The following CCDC171 variants were observed in gnomAD, a reference collection of about 807,000 sequenced individuals.
CCDC171 encodes the protein coiled-coil domain-containing protein 171.
A neutral mutation model predicts 168.2 loss-of-function variants in CCDC171; 177 were observed. That is an observed-to-expected ratio of 1.05 (90% CI 0.93 to 1.19). The LOEUF is 1.19. CCDC171 is among the 50% of genes most tolerant of loss of function. The probability of loss-of-function intolerance (pLI) is 0.00; values close to 1 mark genes in which losing one functional copy is unlikely to be tolerated. For missense variants in CCDC171, 1,991 were observed against 1,539.0 expected (o/e 1.29, Z -4.91); for synonymous variants, 687 against 540.8 (o/e 1.27, Z -3.75).
At chr9:15,963,825 C>G (rs1017036143) in intron 25 of CCDC171, among the ~76,000 whole-genome samples, 11 of 152,140 alleles carry the variant, frequency 7.2e-5, no homozygotes, top group Admixed American at 2.0e-4. Context: ...GTTACCTGGG[C>G]TGCTCAGGAA....
chr9:15,648,531 A>G (rs1445424668), intron 7 of CCDC171, among the ~76,000 whole-genome samples: 2 of 152,198 alleles, frequency 1.3e-5, no homozygotes, highest in Non-Finnish European at 1.5e-5. Context: ...CCTTAAGCTG[A>G]TAAGCAATTT....
intron 11 of CCDC171, among the ~76,000 whole-genome samples, chr9:15,709,053 A>C (rs924426288): frequency 6.6e-6 from 1 of 152,230 alleles, no homozygotes; most frequent in African/African-American, 2.4e-5. Flanking sequence ...TACCTGGTAC[A>C]TTTAGAACAG....
chr9:15,630,479 T>C (rs1160443384), intron 7 of CCDC171, among the ~76,000 whole-genome samples: 1 of 152,142 alleles, frequency 6.6e-6, no homozygotes, highest in Non-Finnish European at 1.5e-5. Context: ...GAGCTAACTA[T>C]CCTAAATATA....
chr9:16,083,760 T>G, the CCDC171 span, among the ~76,000 whole-genome samples: 5 of 151,964 alleles, frequency 3.3e-5, no homozygotes, highest in African/African-American at 1.2e-4. Flanking sequence ...AATGGAAGAG[T>G]TGAAAAGTTT....
At chr9:15,578,566 G>A (rs2040861351) in intron 3 of CCDC171, among the ~76,000 whole-genome samples, 1 of 151,230 alleles carries the variant, frequency 6.6e-6, no homozygotes, top group Non-Finnish European at 1.5e-5. Flanking sequence ...CACCGTGCCT[G>A]GCCAAGGTGT....
At chr9:16,096,650 C>G in the CCDC171 span, among the ~76,000 whole-genome samples, 5 of 152,180 alleles carry the variant, frequency 3.3e-5, no homozygotes, top group Non-Finnish European at 7.3e-5. Context: ...TCCCCTGGTC[C>G]TCTCAAGTGA....
chr9:16,014,261 A>C (rs550536206), intron 3 of CCDC171, among the ~76,000 whole-genome samples: 2 of 152,112 alleles, frequency 1.3e-5, no homozygotes, highest in African/African-American at 4.8e-5. Flanking sequence ...ATAAGAAGCA[A>C]CTCCTTATTC....
chr9:15,744,305 A>G lies in CCDC171; in HGVS notation c.2082A>G (p.Glu694=), dbSNP rs1454600146. The G allele has an allele frequency of 2.5e-6, 4 of 1,586,346 alleles. No homozygotes were observed. Among genetic ancestry groups the G allele is most frequent in the African/African-American group, 2.7e-5 (2 of 73,316 alleles). ...KFQEIAEKNM[E]KLNHIEKSHE... ...AAGAAATTGCTGAAAAAAACATGGA[A>G]AAATTGAACCATATTGAGAAGTCAC... Residue 694 remains glutamate, a synonymous_variant, in exon 17 of 26, where the codon GAA becomes GAG. Coordinates refer to ENST00000380701, the MANE Select transcript of CCDC171 (RefSeq NM_173550.4).
At chr9:15,810,830 C>G (rs948838263) in intron 21 of CCDC171, among the ~76,000 whole-genome samples, 2 of 152,218 alleles carry the variant, frequency 1.3e-5, no homozygotes, top group African/African-American at 4.8e-5. Flanking sequence ...CAGCATGGGC[C>G]GGCCCAGAGA....
At chr9:15,602,570 G>C (rs867269202) in intron 6 of CCDC171, among the ~76,000 whole-genome samples, 76 of 150,016 alleles carry the variant, frequency 5.1e-4, no homozygotes, top group African/African-American at 1.6e-3. Context: ...ATATTAACAT[G>C]AGTGAATTCT....
intron 21 of CCDC171, chr9:15,845,544 T>C (rs1268284864): frequency 6.6e-6 from 1 of 151,900 alleles, no homozygotes; most frequent in Non-Finnish European, 1.5e-5. Flanking sequence ...TATACTATTC[T>C]TTTTTTTATA....
chr9:15,597,026 C>G (rs1221187393), intron 6 of CCDC171, among the ~76,000 whole-genome samples: 1 of 152,126 alleles, frequency 6.6e-6, no homozygotes, highest in Non-Finnish European at 1.5e-5. Flanking sequence ...AGTTGCTTAT[C>G]AGCTTAAGGA....
intron 3 of CCDC171, among the ~76,000 whole-genome samples, chr9:15,983,479 G>GTT (rs1831869162): frequency 2.3e-5 from 3 of 127,910 alleles, no homozygotes; most frequent in Non-Finnish European, 4.8e-5. Flanking sequence ...TTTGTGATCA[G>GTT]TTGTGTGTGT....
intron 3 of CCDC171, among the ~76,000 whole-genome samples, chr9:15,574,858 G>A (rs2040511648): frequency 6.6e-6 from 1 of 152,138 alleles, no homozygotes. Flanking sequence ...TCTTTGATAG[G>A]TATTCAAATA....
At chr9:15,895,526 C>G (rs1259813464) in intron 24 of CCDC171, among the ~76,000 whole-genome samples, 1 of 152,072 alleles carries the variant, frequency 6.6e-6, no homozygotes, top group East Asian at 1.9e-4. Context: ...TATACTCACA[C>G]CACCATACTC....
the CCDC171 span, among the ~76,000 whole-genome samples, chr9:16,066,910 C>T: frequency 0.024 from 3,542 of 150,626 alleles, 121 homozygotes; most frequent in African/African-American, 0.081. Context: ...TGAATAATGC[C>T]GCAATAAACA....
intron 23 of CCDC171, among the ~76,000 whole-genome samples, chr9:15,871,670 G>C (rs1316355608): frequency 2.0e-5 from 3 of 151,704 alleles, no homozygotes; most frequent in African/African-American, 7.3e-5. Context: ...TTCTTTTCAT[G>C]AACGAACTTA....
intron 7 of CCDC171, among the ~76,000 whole-genome samples, chr9:15,628,128 C>T (rs1321514569): frequency 1.3e-5 from 2 of 152,158 alleles, no homozygotes; most frequent in South Asian, 2.1e-4. Context: ...TCTGCATTTC[C>T]ATCTGAGGTA....
chr9:16,043,315 A>G lies in CCDC171; in HGVS notation n.89+429A>G, dbSNP rs182761849. On this transcript the variant is annotated intron_variant and non_coding_transcript_variant, in intron 1 of 1. Transcript: ENST00000478913. ...ATGCCATTAGTGTATCCTTGTTCTTATATCTTGGATGACTGTTGTTAATTT... is the reference window on the plus strand; with the variant it reads ...ATGCCATTAGTGTATCCTTGTTCTTGTATCTTGGATGACTGTTGTTAATTT... Among the ~76,000 whole-genome samples the G allele has an allele frequency of 3.0e-3, 450 of 152,244 alleles. 3 individuals carry two copies. Among genetic ancestry groups the G allele is most frequent in the African/African-American group, 9.7e-3 (402 of 41,538 alleles).
Sources: gnomAD v4.1 joint callset for allele counts (sites outside exome capture counted in the v4.1 genomes callset) on GRCh38, gnomAD v4.1.1 for gene constraint, MANE v1.5 for transcripts, NCBI Gene and HGNC (gene_info 2026-07-23, HGNC 2026-07-21) for gene names.